Variants in EHBP1 observed in about 807,000 individuals in gnomAD.
EHBP1 encodes EH domain-binding protein 1.
A neutral mutation model predicts 144.0 loss-of-function variants in EHBP1; 55 were observed. The ratio of observed to expected loss-of-function variants is 0.38; its 90% CI spans 0.31 to 0.48. The LOEUF (loss-of-function observed/expected upper bound fraction) is 0.48, where lower values mean the gene tolerates loss of function less well. Among genes scored for constraint, EHBP1 ranks in the 20% least tolerant of loss-of-function variants. The pLI, the probability that EHBP1 is intolerant of heterozygous loss-of-function variation, is 0.98. For missense variants in EHBP1, 1,200 were observed against 1,364.2 expected (o/e 0.88, Z 1.90); for synonymous variants, 469 against 472.7 (o/e 0.99, Z 0.10).
chr2:62,794,196 CTG>C (rs2043373204), intron 5 of EHBP1, among the ~76,000 whole-genome samples: 2 of 152,046 alleles, frequency 1.3e-5, no homozygotes, highest in Non-Finnish European at 1.5e-5. Context: ...TCACTCCACT[CTG>C]TGTTGGTGGA....
chr2:62,732,068 G>A (rs1343167570), intron 2 of EHBP1, among the ~76,000 whole-genome samples: 1 of 152,050 alleles, frequency 6.6e-6, no homozygotes, highest in Non-Finnish European at 1.5e-5. Context: ...ACTTTTGTGA[G>A]TTTTACCTAA....
At chr2:62,820,460 T>C (rs2045849460) in intron 5 of EHBP1, among the ~76,000 whole-genome samples, 1 of 151,462 alleles carries the variant, frequency 6.6e-6, no homozygotes, top group East Asian at 1.9e-4. Flanking sequence ...CTACTGTCCA[T>C]TTCCAGAACT....
At chr2:63,030,101 C>T (rs190563842) in intron 19 of EHBP1, among the ~76,000 whole-genome samples, 2 of 152,270 alleles carry the variant, frequency 1.3e-5, no homozygotes, top group African/African-American at 4.8e-5. Context: ...ACTGATCTAA[C>T]CAACCATGAA....
In EHBP1 at chr2:63,046,321, T is replaced by C. The variant is rs2061952798; in HGVS notation, c.*821T>C. On this transcript the variant is annotated 3_prime_UTR_variant, in exon 23 of 23. Coordinates refer to ENST00000431489, the MANE Select transcript of EHBP1 (RefSeq NM_001142616.3). ...GCTCACGAATGCTGTTAATATTTAT[T>C]CTGTATTGATAAAAAGTCTGTCTTG... 1 of 152,800 alleles carries C rather than the reference T, an allele frequency of 6.5e-6. No individual in the cohort carries two copies. Among genetic ancestry groups the C allele is most frequent in the Middle Eastern group, 3.4e-3 (1 of 294 alleles). 9.5% of individuals were successfully genotyped at this position (152,800 alleles called of 1,614,324 possible).
chr2:62,765,304 G>A (rs2041089998), intron 4 of EHBP1, among the ~76,000 whole-genome samples: 2 of 151,928 alleles, frequency 1.3e-5, no homozygotes, highest in Admixed American at 1.3e-4. Flanking sequence ...TTATTCTTTG[G>A]TAAAAATTAT....
chr2:62,751,199 G>A (rs888690451), intron 3 of EHBP1, among the ~76,000 whole-genome samples: 10 of 152,284 alleles, frequency 6.6e-5, no homozygotes, highest in Non-Finnish European at 1.3e-4. Flanking sequence ...ATGAAGGGCT[G>A]TTGAATTTTG....
intron 2 of EHBP1, among the ~76,000 whole-genome samples, chr2:62,724,277 G>A (rs370939075): frequency 2.0e-5 from 3 of 152,166 alleles, no homozygotes; most frequent in Non-Finnish European, 4.4e-5. Context: ...GTTAGTTCTT[G>A]TGATTGCATT....
chr2:62,701,212 T>C (rs1004737062), upstream of EHBP1, among the ~76,000 whole-genome samples: 5 of 152,218 alleles, frequency 3.3e-5, no homozygotes, highest in African/African-American at 9.6e-5. Context: ...ATTTACATTT[T>C]TCCAGTAGCT....
chr2:62,790,210 A>T (rs1370324001), intron 5 of EHBP1, among the ~76,000 whole-genome samples: 2 of 152,234 alleles, frequency 1.3e-5, no homozygotes, highest in Non-Finnish European at 2.9e-5. Context: ...GTATTGGCAG[A>T]AGAAAGCAAA....
At chr2:62,806,170 G>A (rs1440796903) in intron 5 of EHBP1, among the ~76,000 whole-genome samples, 1 of 151,866 alleles carries the variant, frequency 6.6e-6, no homozygotes, top group African/African-American at 2.4e-5. Context: ...TTTTTGTAGA[G>A]ACAGGGTCTC....
At chr2:63,024,268 C>T (rs749204285) in intron 19 of EHBP1, among the ~76,000 whole-genome samples, 3 of 152,150 alleles carry the variant, frequency 2.0e-5, no homozygotes, top group Admixed American at 1.3e-4. Context: ...CACTTGAACT[C>T]GGGAGGTGGA....
At chr2:62,754,729 A>G (rs1016695053) in intron 3 of EHBP1, among the ~76,000 whole-genome samples, 47 of 152,266 alleles carry the variant, frequency 3.1e-4, no homozygotes, top group Non-Finnish European at 5.1e-4. Context: ...TTGCAGTTCA[A>G]TCTCCGACTG....
chr2:62,874,062 AT>A (rs1457481858), intron 9 of EHBP1, among the ~76,000 whole-genome samples: 7 of 152,206 alleles, frequency 4.6e-5, no homozygotes, highest in African/African-American at 1.4e-4. Context: ...ACGATTTACT[AT>A]TGTTAATATT....
intron 5 of EHBP1, among the ~76,000 whole-genome samples, chr2:62,787,356 C>T (rs1344384050): frequency 3.3e-5 from 5 of 151,752 alleles, no homozygotes; most frequent in African/African-American, 1.2e-4. Context: ...TATGGATACT[C>T]CTGTTGCCCC....
chr2:62,794,344 C>G (rs1004402392), intron 5 of EHBP1, among the ~76,000 whole-genome samples: 1 of 151,874 alleles, frequency 6.6e-6, no homozygotes, highest in Non-Finnish European at 1.5e-5. Flanking sequence ...TTCTTGGTAG[C>G]TTGATAAATA....
At chr2:62,750,252 A>G (rs1257413983) in intron 3 of EHBP1, among the ~76,000 whole-genome samples, 2 of 152,204 alleles carry the variant, frequency 1.3e-5, no homozygotes, top group East Asian at 1.9e-4. Flanking sequence ...TCCTTTCCCC[A>G]TTTCTTGTTT....
chr2:62,916,075 A>G (rs1374177362), intron 10 of EHBP1, among the ~76,000 whole-genome samples: 1 of 152,180 alleles, frequency 6.6e-6, no homozygotes, highest in Non-Finnish European at 1.5e-5. Flanking sequence ...AGTCCCAGAT[A>G]CTTGGGAGGC....
intron 10 of EHBP1, among the ~76,000 whole-genome samples, chr2:62,916,745 A>C (rs1056718397): frequency 6.7e-6 from 1 of 149,590 alleles, no homozygotes; most frequent in Admixed American, 6.7e-5. Flanking sequence ...ATATATCATC[A>C]AAATATATTT....
chr2:62,919,282 G>A (rs1354769682), intron 10 of EHBP1, among the ~76,000 whole-genome samples: 1 of 152,158 alleles, frequency 6.6e-6, no homozygotes, highest in African/African-American at 2.4e-5. Flanking sequence ...GGACTTAAAG[G>A]GCAAGCACCT....
Sources: gnomAD v4.1 joint callset for allele counts (sites outside exome capture counted in the v4.1 genomes callset) on GRCh38, gnomAD v4.1.1 for gene constraint, MANE v1.5 for transcripts, NCBI Gene and HGNC (gene_info 2026-07-23, HGNC 2026-07-21) for gene names.